Variants in ATXN7 observed in about 807,000 individuals in gnomAD.
ATXN7 encodes the protein ataxin 7.
A neutral mutation model predicts 70.5 loss-of-function variants in ATXN7; 12 were observed. That is an observed-to-expected ratio of 0.17 (90% CI 0.11 to 0.28). The LOEUF (loss-of-function observed/expected upper bound fraction) is 0.28, where lower values mean the gene tolerates loss of function less well. Among genes scored for constraint, ATXN7 ranks in the 10% least tolerant of loss-of-function variants. The pLI is 1.00. For missense variants in ATXN7, 1,256 were observed against 1,131.7 expected (o/e 1.11, Z -1.58); for synonymous variants, 498 against 448.7 (o/e 1.11, Z -1.39).
rs2075823397 is a variant in ATXN7 at position 64,000,587 on chromosome 3, C to G, written c.*1120C>G. The G allele has an allele frequency of 1.3e-5, 2 of 152,268 alleles. No individual in the cohort carries two copies. Among genetic ancestry groups the G allele is most frequent in the South Asian group, 4.1e-4 (2 of 4,828 alleles). The allele number at this position is 152,268 out of a possible 1,614,324, so 9.4% of individuals were successfully genotyped here. A position where few individuals can be genotyped will look rare whatever the true frequency, so the allele number is the denominator to read the frequency against. ...CTGGCATTGTGTGTTTTTGTATGCACTCCCCTTCATGCCACTTCAGATGTT... is the reference window on the plus strand; with the variant it reads ...CTGGCATTGTGTGTTTTTGTATGCAGTCCCCTTCATGCCACTTCAGATGTT... On this transcript the variant is annotated 3_prime_UTR_variant, in exon 13 of 13. Coordinates refer to ENST00000674280, the MANE Select transcript of ATXN7 (RefSeq NM_001377405.1).
intron 2 of ATXN7, among the ~76,000 whole-genome samples, chr3:63,907,573 C>G (rs1443111231): frequency 6.6e-6 from 1 of 151,366 alleles, no homozygotes; most frequent in Non-Finnish European, 1.5e-5. Flanking sequence ...AGTCCTCCCC[C>G]TCAGCCTCCC....
chr3:63,888,941 C>CT (rs1490850190), intron 1 of ATXN7, among the ~76,000 whole-genome samples: 1 of 151,926 alleles, frequency 6.6e-6, no homozygotes, highest in African/African-American at 2.4e-5. Flanking sequence ...TTAAAATTGG[C>CT]TTTTTTCACT....
chr3:63,981,723 A>G (rs1358452025), intron 6 of ATXN7, among the ~76,000 whole-genome samples: 3 of 152,250 alleles, frequency 2.0e-5, no homozygotes, highest in South Asian at 4.1e-4. Flanking sequence ...TTGAGTTCTC[A>G]TAAGTCTTTA....
intron 5 of ATXN7, among the ~76,000 whole-genome samples, chr3:63,959,772 T>C (rs2075096002): frequency 6.6e-6 from 1 of 152,204 alleles, no homozygotes; most frequent in African/African-American, 2.4e-5. Context: ...TAAAATGTAC[T>C]TATTTTTCCT....
chr3:63,957,558 G>A (rs1030638032), intron 5 of ATXN7, among the ~76,000 whole-genome samples: 1 of 152,230 alleles, frequency 6.6e-6, no homozygotes, highest in African/African-American at 2.4e-5. Context: ...ATAAGAAGTA[G>A]TAAATGTGAA....
At chr3:63,863,351 C>G (rs974307463), upstream of ATXN7, among the ~76,000 whole-genome samples, 1 of 152,186 alleles carries the variant, frequency 6.6e-6, no homozygotes, top group African/African-American at 2.4e-5. Context: ...GCCCTAAGCC[C>G]GGCACCACTG....
chr3:63,967,140 AGAGAGGGAGTGT>A (rs1209481728), intron 5 of ATXN7, among the ~76,000 whole-genome samples: 3 of 152,150 alleles, frequency 2.0e-5, no homozygotes, highest in Non-Finnish European at 4.4e-5. Context: ...GATTGGCCAG[AGAGAGGGAGTGT>A]GATAGGGATG....
intron 2 of ATXN7, among the ~76,000 whole-genome samples, chr3:63,910,000 T>C (rs994446666): frequency 6.6e-6 from 1 of 152,206 alleles, no homozygotes; most frequent in Non-Finnish European, 1.5e-5. Context: ...TTGTAATAAT[T>C]TCCCTTAATA....
chr3:63,913,338 T>A, intron 4 of ATXN7, 113 bp downstream of exon 4: 1 of 1,122,582 alleles, frequency 8.9e-7, no homozygotes, highest in Non-Finnish European at 1.3e-6. Flanking sequence ...TCCCCGTGCC[T>A]GCGAAGATGC....
intron 11 of ATXN7, among the ~76,000 whole-genome samples, chr3:63,994,042 C>T (rs1452568700): frequency 6.6e-6 from 1 of 152,150 alleles, no homozygotes; most frequent in Non-Finnish European, 1.5e-5. Context: ...TCAATCTTGG[C>T]TCCACATTAG....
At chr3:63,989,071 A>G (rs2075623704) in intron 9 of ATXN7, among the ~76,000 whole-genome samples, 1 of 152,110 alleles carries the variant, frequency 6.6e-6, no homozygotes, top group South Asian at 2.1e-4. Context: ...TTTCACCCTC[A>G]CATGTCTGAT....
At chr3:63,884,303 G>T (rs1260989044) in intron 1 of ATXN7, among the ~76,000 whole-genome samples, 1 of 151,880 alleles carries the variant, frequency 6.6e-6, no homozygotes, top group Non-Finnish European at 1.5e-5. Context: ...GATGGGGTGT[G>T]TCAGAGGGAC....
At chr3:63,927,546 G>A (rs66818634) in intron 4 of ATXN7, among the ~76,000 whole-genome samples, 18,758 of 152,220 alleles carry the variant, frequency 0.12, 1,249 homozygotes, top group Middle Eastern at 0.17. Flanking sequence ...TTTGGTTCCA[G>A]TGTCCTGGTA....
chr3:63,907,864 C>T (rs1703894915), intron 2 of ATXN7, among the ~76,000 whole-genome samples: 1 of 152,008 alleles, frequency 6.6e-6, no homozygotes, highest in Non-Finnish European at 1.5e-5. Context: ...GTTTTAAATC[C>T]CTAGAAACAC....
At chr3:63,924,524 A>G (rs1205864370) in intron 4 of ATXN7, among the ~76,000 whole-genome samples, 1 of 152,134 alleles carries the variant, frequency 6.6e-6, no homozygotes, top group East Asian at 1.9e-4. Flanking sequence ...GTGGGCGAGG[A>G]GGACTCTTCA....
chr3:63,901,519 G>T (rs1217545409), intron 2 of ATXN7: 1 of 152,032 alleles, frequency 6.6e-6, no homozygotes, highest in South Asian at 2.1e-4. Context: ...GTCTTTCTGG[G>T]CCTGGCTGAT....
At chr3:63,981,978 T>G (rs191554123) in intron 6 of ATXN7, among the ~76,000 whole-genome samples, 1 of 152,298 alleles carries the variant, frequency 6.6e-6, no homozygotes, top group East Asian at 1.9e-4. Flanking sequence ...AATTTGATGG[T>G]CCACTGAGGG....
chr3:63,970,015 T>C (rs2075285682), intron 5 of ATXN7, among the ~76,000 whole-genome samples: 1 of 152,206 alleles, frequency 6.6e-6, no homozygotes, highest in Non-Finnish European at 1.5e-5. Flanking sequence ...CAGGGTGATT[T>C]ATTGCTGTAC....
chr3:63,974,398 C>T (rs1352710763), intron 5 of ATXN7, among the ~76,000 whole-genome samples: 1 of 152,242 alleles, frequency 6.6e-6, no homozygotes, highest in African/African-American at 2.4e-5. Flanking sequence ...ATTTATGCCC[C>T]AGCCCTCACC....
Sources: gnomAD v4.1 joint callset for allele counts (sites outside exome capture counted in the v4.1 genomes callset) on GRCh38, gnomAD v4.1.1 for gene constraint, MANE v1.5 for transcripts, NCBI Gene and HGNC (gene_info 2026-07-23, HGNC 2026-07-21) for gene names.